MPP7: variants seen among roughly 807,000 people sequenced by gnomAD.
The protein encoded by MPP7 is MAGUK p55 scaffold protein 7.
In MPP7, 60 loss-of-function variants were observed where a neutral mutation model predicts 76.5. That is an observed-to-expected ratio of 0.78 (90% CI 0.64 to 0.97). MPP7 has a LOEUF of 0.97. Among genes scored for constraint, MPP7 ranks in the 50% least tolerant of loss-of-function variants. The pLI, the probability that MPP7 is intolerant of heterozygous loss-of-function variation, is 0.00. For missense variants in MPP7, 641 were observed against 694.0 expected (o/e 0.92, Z 0.86); for synonymous variants, 237 against 244.5 (o/e 0.97, Z 0.29).
At chr10:28,223,731 T>C (rs917394277) in intron 2 of MPP7, among the ~76,000 whole-genome samples, 1 of 152,094 alleles carries the variant, frequency 6.6e-6, no homozygotes, top group African/African-American at 2.4e-5. Flanking sequence ...ATTTCTGATC[T>C]GAGTCTCAAG....
chr10:28,061,709 C>T (rs1375009546), intron 13 of MPP7, among the ~76,000 whole-genome samples: 3 of 152,156 alleles, frequency 2.0e-5, no homozygotes, highest in Middle Eastern at 3.4e-3. Flanking sequence ...AAACAGGATA[C>T]ACTCAGAAGG....
intron 2 of MPP7, chr10:28,203,196 C>A (rs1837837579): frequency 6.6e-6 from 1 of 152,142 alleles, no homozygotes; most frequent in Non-Finnish European, 1.5e-5. Flanking sequence ...ACAAAAACAC[C>A]AAGACCTCCT....
intron 2 of MPP7, among the ~76,000 whole-genome samples, chr10:28,214,353 C>A (rs923080813): frequency 1.3e-5 from 2 of 152,112 alleles, no homozygotes; most frequent in African/African-American, 4.8e-5. Context: ...TCTTCAGGAT[C>A]CCTGAAACTA....
intron 3 of MPP7, among the ~76,000 whole-genome samples, chr10:28,166,423 T>G (rs7098215): frequency 0.072 from 10,017 of 139,526 alleles, 461 homozygotes; most frequent in African/African-American, 0.18. Flanking sequence ...TTTTTTTTTT[T>G]TGGGACAGAG....
intron 12 of MPP7, among the ~76,000 whole-genome samples, chr10:28,077,881 C>T (rs531667899): frequency 1.3e-5 from 2 of 152,278 alleles, no homozygotes; most frequent in East Asian, 1.9e-4. Flanking sequence ...ATGATGATGA[C>T]ATAGTGAGTT....
intron 2 of MPP7, among the ~76,000 whole-genome samples, chr10:28,217,011 G>A (rs557564535): frequency 6.6e-6 from 1 of 151,750 alleles, no homozygotes; most frequent in Non-Finnish European, 1.5e-5. Flanking sequence ...AATTCTCCCA[G>A]CAATTTTTCT....
chr10:28,120,651 T>C lies in MPP7; in HGVS notation c.633A>G (p.Ala211=). 1 of 1,613,680 alleles carries C rather than the reference T, an allele frequency of 6.2e-7. No individual in the cohort carries two copies. The highest frequency in any genetic ancestry group is 8.5e-7 in the Non-Finnish European group (1 of 1,179,774). Residue 211 remains alanine (A), a synonymous_variant, in exon 9 of 17, where the codon GCA becomes GCG. Transcript: ENST00000683449. ...TGCCGGGTATAATCTTAAATGTAAT[T>C]GCTCCCTGAGACTGAGCCTGGTAAC... is the stretch of plus-strand genomic sequence containing the variant. ...IIQILAQSQG[A]ITFKIIPGSK...
At chr10:28,060,335 C>A (rs7078301) in intron 13 of MPP7, among the ~76,000 whole-genome samples, 3 of 151,898 alleles carry the variant, frequency 2.0e-5, no homozygotes, top group Admixed American at 6.6e-5. Context: ...TATTTATTAA[C>A]GAACTAAAAT....
At chr10:28,056,409 T>G (rs1227189558) in intron 16 of MPP7, 71 bp downstream of exon 16, 1 of 1,487,758 alleles carries the variant, frequency 6.7e-7, no homozygotes, top group Non-Finnish European at 9.0e-7. Flanking sequence ...TCCTCCTGCT[T>G]CGGCCTCCCA....
intron 1 of MPP7, among the ~76,000 whole-genome samples, chr10:28,242,277 A>G (rs191051434): frequency 1.3e-5 from 2 of 152,374 alleles, no homozygotes; most frequent in East Asian, 1.9e-4. Flanking sequence ...AGATTATTTC[A>G]CCAGATACAC....
At chr10:28,280,265 C>T (rs763651287) in intron 1 of MPP7, 3 of 152,046 alleles carry the variant, frequency 2.0e-5, no homozygotes, top group African/African-American at 4.8e-5. Context: ...TCTCCCGATA[C>T]CAAAACCTAC....
intron 1 of MPP7, among the ~76,000 whole-genome samples, chr10:28,268,449 G>T (rs1300472946): frequency 1.3e-5 from 2 of 151,918 alleles, no homozygotes; most frequent in African/African-American, 4.8e-5. Flanking sequence ...AGACAATTAG[G>T]GGCCAGGCGC....
intron 11 of MPP7, among the ~76,000 whole-genome samples, chr10:28,116,708 G>GA (rs1448670364): frequency 6.6e-6 from 1 of 152,084 alleles, no homozygotes; most frequent in Admixed American, 6.6e-5. Flanking sequence ...TTAAGACTTA[G>GA]AAATATTTTA....
intron 3 of MPP7, among the ~76,000 whole-genome samples, chr10:28,151,016 TC>T (rs1264075571): frequency 6.6e-6 from 1 of 152,182 alleles, no homozygotes; most frequent in Non-Finnish European, 1.5e-5. Flanking sequence ...AAGAAAAATG[TC>T]CCCCACCATA....
At chr10:28,283,083 G>A (rs1840717554) in intron 1 of MPP7, among the ~76,000 whole-genome samples, 1 of 152,052 alleles carries the variant, frequency 6.6e-6, no homozygotes, top group African/African-American at 2.4e-5. Flanking sequence ...CTTCTCCTGG[G>A]AAGAGGTGCA....
At chr10:28,333,173 G>A (rs978600324) in intron 1 of MPP7, among the ~76,000 whole-genome samples, 2 of 152,032 alleles carry the variant, frequency 1.3e-5, no homozygotes, top group Admixed American at 6.6e-5. Context: ...GACAGAGAGT[G>A]TCACTCTGTT....
intron 12 of MPP7, among the ~76,000 whole-genome samples, chr10:28,088,374 T>G (rs1310621113): frequency 6.6e-6 from 1 of 152,132 alleles, no homozygotes; most frequent in African/African-American, 2.4e-5. Flanking sequence ...GGTAGATTTC[T>G]CCCATGATAT....
chr10:28,191,932 T>A (rs992983207), intron 3 of MPP7, among the ~76,000 whole-genome samples: 1 of 152,146 alleles, frequency 6.6e-6, no homozygotes, highest in African/African-American at 2.4e-5. Flanking sequence ...AAGACCAGCC[T>A]GACCAACATG....
intron 2 of MPP7, chr10:28,236,565 C>T (rs766289167): frequency 1.3e-5 from 2 of 149,998 alleles, no homozygotes; most frequent in Non-Finnish European, 1.5e-5. Flanking sequence ...ACTTATCAAA[C>T]GGAGAAAAAA....
Sources: gnomAD v4.1 joint callset for allele counts (sites outside exome capture counted in the v4.1 genomes callset) on GRCh38, gnomAD v4.1.1 for gene constraint, MANE v1.5 for transcripts, NCBI Gene and HGNC (gene_info 2026-07-23, HGNC 2026-07-21) for gene names.